The following ZSWIM5 variants were observed in gnomAD, a reference collection of about 807,000 sequenced individuals.
ZSWIM5 encodes the protein zinc finger SWIM domain-containing protein 5.
ZSWIM5 carries 55 observed loss-of-function variants against 119.6 expected under a neutral mutation model. The ratio of observed to expected loss-of-function variants is 0.46; its 90% CI spans 0.37 to 0.58. The LOEUF is 0.58. ZSWIM5 is among the 20% of genes least tolerant of loss of function. The probability of loss-of-function intolerance (pLI) is 0.00; values close to 1 mark genes in which losing one functional copy is unlikely to be tolerated. For synonymous variants in ZSWIM5, 537 were observed against 606.9 expected, an observed-to-expected ratio of 0.88 and a Z score of 1.69; for missense variants, 1,193 against 1,512.8, an observed-to-expected ratio of 0.79 and a Z score of 3.51.
intron 1 of ZSWIM5, among the ~76,000 whole-genome samples, chr1:45,157,148 A>T (rs757445624): frequency 6.6e-6 from 1 of 151,998 alleles, no homozygotes; most frequent in Non-Finnish European, 1.5e-5. Context: ...TGTACTTTTC[A>T]GTAAGGTTTT....
At chr1:45,092,190 T>C (rs556554416) in intron 1 of ZSWIM5, among the ~76,000 whole-genome samples, 1 of 152,318 alleles carries the variant, frequency 6.6e-6, no homozygotes, top group South Asian at 2.1e-4. Flanking sequence ...GAGGGCTTCT[T>C]ATGTGTTAGG....
intron 11 of ZSWIM5, among the ~76,000 whole-genome samples, chr1:45,023,954 A>G (rs1465640302): frequency 6.6e-6 from 1 of 152,174 alleles, no homozygotes; most frequent in Non-Finnish European, 1.5e-5. Context: ...TAATTCCCTA[A>G]TGACATATAA....
At chr1:45,105,292 C>T (rs989564155) in intron 1 of ZSWIM5, among the ~76,000 whole-genome samples, 3 of 152,222 alleles carry the variant, frequency 2.0e-5, no homozygotes, top group African/African-American at 7.2e-5. Context: ...ATGATCTCGG[C>T]TCGCTACAAC....
In ZSWIM5 at chr1:45,165,484, G is replaced by A. The variant is rs186958769; in HGVS notation, c.595+40272C>T. Reference sequence around the variant, plus strand: ...CTAAGGTCAGAGCAGAACTGAAGGAGATAGAGACACAAAAAACCCTTCAAA... The same window carrying A: ...CTAAGGTCAGAGCAGAACTGAAGGAAATAGAGACACAAAAAACCCTTCAAA... On this transcript the variant is annotated intron_variant, in intron 1 of 13. Coordinates refer to ENST00000359600, the MANE Select transcript of ZSWIM5 (RefSeq NM_020883.2). 3.2e-3 allele frequency among the ~76,000 whole-genome samples: 484 copies of A among 152,120 alleles called. 6 individuals are homozygous for A. The highest frequency in any genetic ancestry group is 6.8e-3 in the Middle Eastern group (2 of 294).
chr1:45,163,316 T>C (rs346710), intron 1 of ZSWIM5, among the ~76,000 whole-genome samples: 9,497 of 152,280 alleles, frequency 0.062, 342 homozygotes, highest in East Asian at 0.1. Context: ...AAACCCCATC[T>C]GTACGTCATC....
chr1:45,040,836 T>C (rs1201980919), intron 6 of ZSWIM5, among the ~76,000 whole-genome samples: 2 of 152,182 alleles, frequency 1.3e-5, no homozygotes, highest in East Asian at 3.8e-4. Context: ...GGGAAACCAA[T>C]GGAGGTAGCA....
At chr1:45,160,706 C>T (rs991557250) in intron 1 of ZSWIM5, among the ~76,000 whole-genome samples, 8 of 149,470 alleles carry the variant, frequency 5.4e-5, no homozygotes, top group East Asian at 2.0e-4. Context: ...CCAGGCTGGA[C>T]GGTAATGGCA....
chr1:45,199,448 G>A (rs991451003), intron 1 of ZSWIM5, among the ~76,000 whole-genome samples: 3 of 151,986 alleles, frequency 2.0e-5, no homozygotes, highest in Non-Finnish European at 4.4e-5. Context: ...ACAGGCATAC[G>A]CCACCACACC....
chr1:45,117,407 G>A (rs1405121744), intron 1 of ZSWIM5, among the ~76,000 whole-genome samples: 1 of 152,204 alleles, frequency 6.6e-6, no homozygotes, highest in Non-Finnish European at 1.5e-5. Context: ...GGTCACAGTG[G>A]CTCACACCTA....
Position 45,039,047 on chromosome 1 carries a change from T to C in ZSWIM5, c.1783A>G (p.Ile595Val). The C allele has an allele frequency of 6.2e-7, 1 of 1,614,158 alleles. No individual in the cohort carries two copies. Among genetic ancestry groups the C allele is most frequent in the Non-Finnish European group, 8.5e-7 (1 of 1,180,020 alleles). The change falls in exon 8 of 14, where the codon ATC becomes GTC. Residue 595 changes from isoleucine (I) to valine (V), a missense_variant. By Grantham distance (29) the Ile-to-Val change is conservative. Transcript: ENST00000359600. ...CCCACCCAGCCCTCCAGGTTTGTGA[T>C]GGTTGTGGTTCCTCTCTGCAACAGT... is the stretch of plus-strand genomic sequence containing the variant. ...KELLQRGTTT[I>V]TNLEGWVGHP...
At chr1:45,155,798 C>T (rs770733454) in intron 1 of ZSWIM5, among the ~76,000 whole-genome samples, 1 of 152,166 alleles carries the variant, frequency 6.6e-6, no homozygotes, top group African/African-American at 2.4e-5. Context: ...AACCAAACAT[C>T]GTTATGTTCT....
chr1:45,115,027 T>A (rs2149024948), intron 1 of ZSWIM5, among the ~76,000 whole-genome samples: 1 of 151,818 alleles, frequency 6.6e-6, no homozygotes, highest in Non-Finnish European at 1.5e-5. Context: ...CAAAATGGAG[T>A]CTCCCATGTC....
chr1:45,020,731 G>A lies in ZSWIM5; in HGVS notation c.2507C>T (p.Ser836Phe), dbSNP rs1409252179. The change falls in exon 12 of 14, where the codon TCC (serine) becomes TTC (phenylalanine). Residue 836 changes from serine to phenylalanine, a missense_variant. Around this residue, in one of 2 missense-constraint regions of ZSWIM5, gnomAD observed 961 missense variants for 1,290.0 expected, o/e 0.74. Transcript: ENST00000359600. ...TTGGGCCAGTTTGAAGATGAGGGAGGAAGAATGAATGTGCTTCTGTATTGC... is the reference window on the plus strand; with the variant it reads ...TTGGGCCAGTTTGAAGATGAGGGAGAAAGAATGAATGTGCTTCTGTATTGC... ...LEAIQKHIHS[S>F]SLIFKLAQDA... The A allele has an allele frequency of 1.2e-6, 2 of 1,613,972 alleles. No individual in the cohort carries two copies. The highest frequency in any genetic ancestry group is 2.2e-5 in the East Asian group (1 of 44,886).
At position 45,055,030 on chromosome 1, in the gene ZSWIM5, C is replaced by T. The variant is rs554555019; in HGVS notation, c.1252+3579G>A. Among the ~76,000 whole-genome samples, 57 of 152,052 alleles carry T rather than the reference C, an allele frequency of 3.7e-4. No homozygotes were observed. In the South Asian group the frequency reaches 0.011, roughly 29 times the overall value. On this transcript the variant is annotated intron_variant, in intron 4 of 13. Coordinates refer to ENST00000359600, the MANE Select transcript of ZSWIM5 (RefSeq NM_020883.2). ...TTTTTAAGATGGAGTCTCATTGTGT[C>T]GCCTAGGCTGGAGTGCAGTGGCACG...
At chr1:45,090,869 G>C (rs143764158) in intron 1 of ZSWIM5, among the ~76,000 whole-genome samples, 4 of 151,882 alleles carry the variant, frequency 2.6e-5, no homozygotes, top group African/African-American at 9.6e-5. Flanking sequence ...AGAACTGTAG[G>C]GTTGGGAAGC....
chr1:45,174,273 C>CA (rs1247916727), intron 1 of ZSWIM5, among the ~76,000 whole-genome samples: 6 of 150,862 alleles, frequency 4.0e-5, no homozygotes, highest in East Asian at 1.9e-4. Context: ...GACCTTGTCT[C>CA]AAAAAAACAA....
At chr1:45,075,497 C>G (rs1276173501) in intron 2 of ZSWIM5, among the ~76,000 whole-genome samples, 4 of 152,136 alleles carry the variant, frequency 2.6e-5, no homozygotes, top group African/African-American at 9.7e-5. Context: ...GTCTTGAAAT[C>G]TATTTTGTCT....
intron 1 of ZSWIM5, among the ~76,000 whole-genome samples, chr1:45,100,581 T>C (rs550176353): frequency 4.6e-4 from 68 of 148,646 alleles, no homozygotes; most frequent in African/African-American, 1.6e-3. Context: ...AAAAAGAGCC[T>C]GCATTGCCAA....
intron 1 of ZSWIM5, among the ~76,000 whole-genome samples, chr1:45,141,123 GGCAGTGAAAGCAGCAGCAGCT>G (rs1244646004): frequency 6.6e-6 from 1 of 152,158 alleles, no homozygotes; most frequent in Admixed American, 6.5e-5. Context: ...CTGTCGTGAT[GGCAGTGAAAGCAGCAGCAGCT>G]GCAGCACCAG....
Sources: allele counts gnomAD v4.1 joint callset (sites outside exome capture counted in the v4.1 genomes callset), GRCh38; gene constraint gnomAD v4.1.1; regional missense constraint gnomAD v4.1.1; transcripts MANE v1.5; gene names NCBI Gene and HGNC (gene_info 2026-07-23, HGNC 2026-07-21).